The following RAPGEF5 variants were observed in gnomAD, a reference collection of about 807,000 sequenced individuals.
RAPGEF5 encodes the protein M-Ras-regulated GEF.
A neutral mutation model predicts 125.2 loss-of-function variants in RAPGEF5; 65 were observed. The observed-to-expected ratio is 0.52, with a 90% CI of 0.43 to 0.64. RAPGEF5 has a LOEUF of 0.64. RAPGEF5 is among the 30% of genes least tolerant of loss of function. The pLI is 0.00. For synonymous variants in RAPGEF5, 391 were observed against 385.9 expected, an observed-to-expected ratio of 1.01 and a Z score of -0.16; for missense variants, 958 against 1,048.1, an observed-to-expected ratio of 0.91 and a Z score of 1.19.
At chr7:22,332,438 A>T (rs1013330324) in intron 1 of RAPGEF5, among the ~76,000 whole-genome samples, 1 of 152,240 alleles carries the variant, frequency 6.6e-6, no homozygotes, top group Non-Finnish European at 1.5e-5. Context: ...GCAGTAAAAA[A>T]GTCATCATAT....
At chr7:22,228,780 T>C (rs992309971) in intron 8 of RAPGEF5, among the ~76,000 whole-genome samples, 1 of 151,870 alleles carries the variant, frequency 6.6e-6, no homozygotes, top group Non-Finnish European at 1.5e-5. Flanking sequence ...CCCAAAGTGC[T>C]GGGATTACGG....
intron 9 of RAPGEF5, among the ~76,000 whole-genome samples, chr7:22,197,662 G>T (rs909572713): frequency 6.6e-6 from 1 of 152,022 alleles, no homozygotes; most frequent in Non-Finnish European, 1.5e-5. Flanking sequence ...AGCACTCTCA[G>T]GAGCACTTAC....
Position 22,292,658 on chromosome 7 carries a change from C to G in RAPGEF5, c.681-1417G>C, listed in dbSNP as rs76658704. Among the ~76,000 whole-genome samples the G allele has an allele frequency of 9.2e-3, 1,406 of 152,228 alleles. 17 individuals carry two copies. The highest frequency in any genetic ancestry group is 0.057 in the South Asian group (276 of 4,808). The stretch of plus-strand genomic sequence containing the variant: ...CGCTTTATAACCTCAACCACCAAAC[C>G]AGATTTATGTGATTAAGCTGAGGTG... On this transcript the variant is annotated intron_variant, in intron 5 of 25. Coordinates refer to ENST00000665637, the MANE Select transcript of RAPGEF5 (RefSeq NM_012294.5).
chr7:22,324,457 G>A (rs761718570), intron 1 of RAPGEF5, among the ~76,000 whole-genome samples: 8 of 152,166 alleles, frequency 5.3e-5, no homozygotes, highest in Non-Finnish European at 1.0e-4. Context: ...TTAGTTAATC[G>A]TGTGGATAAG....
At chr7:22,162,337 C>CATAA (rs1784028797) in intron 13 of RAPGEF5, 60 bp downstream of exon 13, 1 of 1,466,748 alleles carries the variant, frequency 6.8e-7, no homozygotes. Flanking sequence ...TTTTAAAATG[C>CATAA]ATAACTAAAA....
chr7:22,145,242 T>C lies in RAPGEF5; in HGVS notation c.2008-20A>G, dbSNP rs773178604. On this transcript the variant is annotated intron_variant, in intron 19 of 25. Transcript: ENST00000665637. ...CTCTTGCTGAAAGAAAATGTATTCA[T>C]GCCAGGGTTTATTTATAGCAAAGTA... The C allele has an allele frequency of 5.7e-6, 9 of 1,592,556 alleles. No individual in the cohort carries two copies. The African/African-American group carries it at 8.0e-5, about 14-fold the overall frequency.
intron 11 of RAPGEF5, among the ~76,000 whole-genome samples, chr7:22,175,525 T>C (rs917254640): frequency 1.3e-5 from 2 of 152,184 alleles, no homozygotes; most frequent in Admixed American, 1.3e-4. Context: ...AATGTGGGAA[T>C]TGTCATGGGC....
chr7:22,292,868 T>C (rs1782965565), intron 5 of RAPGEF5, among the ~76,000 whole-genome samples: 1 of 152,212 alleles, frequency 6.6e-6, no homozygotes, highest in Admixed American at 6.5e-5. Context: ...CTAGCACAGA[T>C]TCTCTCATAA....
chr7:22,265,737 T>C (rs10267964), intron 7 of RAPGEF5, among the ~76,000 whole-genome samples: 31,311 of 152,148 alleles, frequency 0.21, 3,691 homozygotes, highest in East Asian at 0.5. Context: ...CTTGCCAGCA[T>C]CTATTATTTT....
intron 8 of RAPGEF5, among the ~76,000 whole-genome samples, chr7:22,229,787 C>A (rs1786014582): frequency 6.6e-6 from 1 of 152,158 alleles, no homozygotes; most frequent in Non-Finnish European, 1.5e-5. Context: ...TCCTTCCTAA[C>A]CAGCTTAGGC....
chr7:22,336,952 G>A (rs1378270585), intron 1 of RAPGEF5, among the ~76,000 whole-genome samples: 1 of 152,166 alleles, frequency 6.6e-6, no homozygotes, highest in African/African-American at 2.4e-5. Context: ...GATATCTTGA[G>A]AAAGGGCTTC....
intron 19 of RAPGEF5, among the ~76,000 whole-genome samples, chr7:22,146,618 G>A (rs543761411): frequency 6.6e-6 from 1 of 152,144 alleles, no homozygotes; most frequent in South Asian, 2.1e-4. Flanking sequence ...AACCCCATTA[G>A]AGCCTCATCT....
chr7:22,269,191 A>AG, intron 6 of RAPGEF5, among the ~76,000 whole-genome samples: 1 of 151,632 alleles, frequency 6.6e-6, no homozygotes, highest in African/African-American at 2.4e-5. Context: ...AAAAAAAAAA[A>AG]AAAAAAAAAG....
chr7:22,288,431 T>C (rs1782848793), intron 6 of RAPGEF5, among the ~76,000 whole-genome samples: 1 of 151,700 alleles, frequency 6.6e-6, no homozygotes, highest in South Asian at 2.1e-4. Flanking sequence ...AATATCATCA[T>C]GTCCCCAATC....
At chr7:22,128,640 A>T (rs1402519958) in intron 24 of RAPGEF5, among the ~76,000 whole-genome samples, 6 of 152,154 alleles carry the variant, frequency 3.9e-5, no homozygotes, top group Non-Finnish European at 8.8e-5. Context: ...GCTATATATG[A>T]CATAAAACTG....
At chr7:22,154,721 TC>T (rs1239491459) in intron 16 of RAPGEF5, 117 bp from the exon 17 acceptor site, 1 of 1,118,720 alleles carries the variant, frequency 8.9e-7, no homozygotes, top group Non-Finnish European at 1.3e-6. Flanking sequence ...GCTATTCTCT[TC>T]AGTATAACAC....
intron 1 of RAPGEF5, among the ~76,000 whole-genome samples, chr7:22,338,621 G>C (rs75491391): frequency 6.6e-6 from 1 of 152,092 alleles, no homozygotes; most frequent in Non-Finnish European, 1.5e-5. Context: ...ACTCCTGGGA[G>C]GATGACACTT....
At chr7:22,241,297 C>T (rs981436727) in intron 7 of RAPGEF5, among the ~76,000 whole-genome samples, 1 of 152,158 alleles carries the variant, frequency 6.6e-6, no homozygotes, top group South Asian at 2.1e-4. Flanking sequence ...GTAGACATTA[C>T]AGTGGAATTT....
rs571692037 is a variant in RAPGEF5 at position 22,219,329 on chromosome 7, T to C, written c.996+537A>G. 1.6e-4 allele frequency among the ~76,000 whole-genome samples: 24 copies of C among 151,932 alleles called. 1 individual carries two copies. In the South Asian group the frequency reaches 5.0e-3, roughly 32 times the overall value. ...TCCAGCTTTAACTATATTCAAACAA[T>C]ATAACTCTTGTTGGAACACAAGCCT... On this transcript the variant is annotated intron_variant, in intron 9 of 25. Coordinates refer to ENST00000665637, the MANE Select transcript of RAPGEF5 (RefSeq NM_012294.5).
Sources: allele counts gnomAD v4.1 joint callset (sites outside exome capture counted in the v4.1 genomes callset), GRCh38; gene constraint gnomAD v4.1.1; transcripts MANE v1.5; gene names NCBI Gene and HGNC (gene_info 2026-07-23, HGNC 2026-07-21).